The following MYH9 variants were observed in gnomAD, a reference collection of about 807,000 sequenced individuals.
MYH9 encodes myosin heavy chain 9.
MYH9 carries 29 observed loss-of-function variants against 241.9 expected under a neutral mutation model. That is an observed-to-expected ratio of 0.12 (90% CI 0.09 to 0.16). The LOEUF (loss-of-function observed/expected upper bound fraction) is 0.16. Ranked by LOEUF, MYH9 falls within the 10% of genes least tolerant of loss-of-function variation. The pLI, the probability that MYH9 is intolerant of heterozygous loss-of-function variation, is 1.00. For synonymous variants in MYH9, 1,047 were observed against 1,062.6 expected, an observed-to-expected ratio of 0.99 and a Z score of 0.29; for missense variants, 1,803 against 2,595.5, an observed-to-expected ratio of 0.69 and a Z score of 6.63.
chr22:36,282,595 G>A lies in MYH9; in HGVS notation c.*73C>T, dbSNP rs1045383138. On this transcript the variant is annotated 3_prime_UTR_variant, in exon 41 of 41. Coordinates refer to ENST00000216181, the MANE Select transcript of MYH9 (RefSeq NM_002473.6). ...CAGTCCCAAGAAGGTGGGGAGAGGC[G>A]TGCTGCGGGGTCTGGGAAGGGGAGG... 64 of 1,367,912 alleles carry A rather than the reference G, an allele frequency of 4.7e-5. No homozygotes were observed. The Middle Eastern group carries it at 5.3e-4, about 11-fold the overall frequency. 84.7% of individuals were successfully genotyped at this position (1,367,912 alleles called of 1,614,324 possible).
chr22:36,349,743 G>C (rs548844992), intron 1 of MYH9, among the ~76,000 whole-genome samples: 1 of 152,246 alleles, frequency 6.6e-6, no homozygotes, highest in Non-Finnish European at 1.5e-5. Context: ...GATTTTGTTA[G>C]CAACTAATGG....
chr22:36,311,716 G>C (rs1463897518), intron 14 of MYH9, among the ~76,000 whole-genome samples: 1 of 152,166 alleles, frequency 6.6e-6, no homozygotes, highest in Non-Finnish European at 1.5e-5. Flanking sequence ...CTTATGAGTG[G>C]CAGAGCTCTA....
intron 1 of MYH9, among the ~76,000 whole-genome samples, chr22:36,370,280 T>C (rs1213642604): frequency 2.0e-5 from 3 of 152,150 alleles, no homozygotes; most frequent in African/African-American, 7.2e-5. Context: ...CACACGCCCA[T>C]CATGCTGGTG....
Position 36,295,403 on chromosome 22 carries a change from TG to T in MYH9, c.3485+101del. On this transcript the variant is annotated intron_variant, in intron 26 of 40. Coordinates refer to ENST00000216181, the MANE Select transcript of MYH9 (RefSeq NM_002473.6). This position sits in a 1 kb window ranked among gnomAD's most constrained non-coding sequence, Gnocchi z 4.1. ...CTGCTGGTGCCTAAGAGGGCCACGG[TG>T]TGTGTGTGTGTGTGTGTGCAGAGGC... 1 of 586,432 alleles carries T rather than the reference TG, an allele frequency of 1.7e-6. No individual in the cohort carries two copies. Among genetic ancestry groups the T allele is most frequent in the Non-Finnish European group, 2.9e-6 (1 of 344,390 alleles). The allele number at this position is 586,432 out of a possible 1,614,324, so 36.3% of individuals were successfully genotyped here. A position where few individuals can be genotyped will look rare whatever the true frequency, so the allele number is the denominator to read the frequency against.
At chr22:36,283,449 A>C (rs1460569377) in intron 40 of MYH9, among the ~76,000 whole-genome samples, 1 of 151,870 alleles carries the variant, frequency 6.6e-6, no homozygotes, top group Non-Finnish European at 1.5e-5. Flanking sequence ...AGGGAGGAGA[A>C]TCGCTTGAAC....
chr22:36,374,921 C>T (rs529219166), intron 1 of MYH9, among the ~76,000 whole-genome samples: 5 of 152,310 alleles, frequency 3.3e-5, no homozygotes, highest in African/African-American at 9.6e-5. Context: ...GGACTTGCCA[C>T]ACCATGTCTC....
At chr22:36,339,028 T>G (rs1490951285) in intron 3 of MYH9, among the ~76,000 whole-genome samples, 1 of 152,100 alleles carries the variant, frequency 6.6e-6, no homozygotes, top group Admixed American at 6.5e-5. Flanking sequence ...CTTTTTTTTG[T>G]CCCCCAATTA....
At chr22:36,379,864 G>T (rs1313718803) in intron 1 of MYH9, among the ~76,000 whole-genome samples, 3 of 152,218 alleles carry the variant, frequency 2.0e-5, no homozygotes. Context: ...ACACCTGCCC[G>T]GGTGCTGAAT....
At chr22:36,290,560 G>A (rs28676509) in intron 31 of MYH9, among the ~76,000 whole-genome samples, 3 of 152,144 alleles carry the variant, frequency 2.0e-5, no homozygotes, top group South Asian at 2.1e-4. Flanking sequence ...GCCTCTTCCC[G>A]GCCGCCACCC....
At chr22:36,385,703 A>G (rs1194534265) in intron 1 of MYH9, among the ~76,000 whole-genome samples, 1 of 152,166 alleles carries the variant, frequency 6.6e-6, no homozygotes, top group East Asian at 1.9e-4. Flanking sequence ...CCGGCTCTCC[A>G]GACACCTGGC....
chr22:36,293,839 G>A lies in MYH9; in HGVS notation c.3862C>T (p.Leu1288Phe). The A allele has an allele frequency of 6.2e-7, 1 of 1,613,734 alleles. No individual in the cohort carries two copies. The highest frequency in any genetic ancestry group is 8.5e-7 in the Non-Finnish European group (1 of 1,179,956). ...LQVELDNVTG[L>F]LSQSDSKSSK... ...GACTTGCTGTCGGACTGGCTGAGAA[G>A]CCCGGTCACGTTGTCCAGCTCCACC... The change falls in exon 29 of 41, where the codon CTT becomes TTT. Residue 1288 changes from leucine to phenylalanine, a missense_variant. Coordinates refer to ENST00000216181, the MANE Select transcript of MYH9 (RefSeq NM_002473.6). This position sits in a 1 kb window ranked among gnomAD's most constrained non-coding sequence, Gnocchi z 5.1.
At chr22:36,342,734 T>A (rs374963544) in intron 2 of MYH9, among the ~76,000 whole-genome samples, 140 of 151,022 alleles carry the variant, frequency 9.3e-4, no homozygotes, top group African/African-American at 2.7e-3. Flanking sequence ...GCAACTGGAG[T>A]GACCCAAGTA....
intron 1 of MYH9, among the ~76,000 whole-genome samples, chr22:36,357,448 TG>T (rs1286884816): frequency 6.6e-6 from 1 of 152,116 alleles, no homozygotes; most frequent in African/African-American, 2.4e-5. Flanking sequence ...CTGTGCCACG[TG>T]GGGTATTTAG....
chr22:36,281,936 G>T lies in MYH9; in HGVS notation c.*732C>A, dbSNP rs12107. Reference sequence around the variant, plus strand: ...CTGCTGGCCTTTCCAGCTTGACCCCGACAGCCTTGCTGTGGCAGAGGCAGG... The same window carrying T: ...CTGCTGGCCTTTCCAGCTTGACCCCTACAGCCTTGCTGTGGCAGAGGCAGG... On this transcript the variant is annotated 3_prime_UTR_variant, in exon 41 of 41. Transcript: ENST00000216181. The T allele has an allele frequency of 4.3e-6, 1 of 231,852 alleles. No individual in the cohort carries two copies. Among genetic ancestry groups the T allele is most frequent in the Non-Finnish European group, 8.5e-6 (1 of 117,064 alleles). The allele number at this position is 231,852 out of a possible 1,614,324, so 14.4% of individuals were successfully genotyped here.
chr22:36,371,184 T>G (rs752039837), intron 1 of MYH9, among the ~76,000 whole-genome samples: 2 of 152,212 alleles, frequency 1.3e-5, no homozygotes, highest in Non-Finnish European at 2.9e-5. Context: ...ATATCCATTA[T>G]GTTGGAGCCC....
intron 1 of MYH9, among the ~76,000 whole-genome samples, chr22:36,386,679 C>G (rs945538801): frequency 1.3e-5 from 2 of 152,166 alleles, no homozygotes; most frequent in African/African-American, 2.4e-5. Flanking sequence ...TCTCTCCACA[C>G]CGGCTGGGTG....
intron 15 of MYH9, among the ~76,000 whole-genome samples, chr22:36,307,664 G>A (rs1242358357): frequency 6.6e-6 from 1 of 152,140 alleles, no homozygotes; most frequent in Admixed American, 6.5e-5. Context: ...GAGGCGGGTG[G>A]ATCACCTGAA....
At chr22:36,294,347 G>A (rs757157970) in intron 27 of MYH9, 49 bp from the exon 28 acceptor site, 18 of 1,590,666 alleles carry the variant, frequency 1.1e-5, no homozygotes, top group Non-Finnish European at 1.5e-5. Flanking sequence ...CTGACACAAG[G>A]CTGGCTGGTC....
chr22:36,338,543 G>A (rs909082322), intron 3 of MYH9, among the ~76,000 whole-genome samples: 2 of 151,070 alleles, frequency 1.3e-5, no homozygotes, highest in Non-Finnish European at 3.0e-5. Flanking sequence ...CACCTGGCTG[G>A]GTGCGGTGGC....
Sources: allele counts gnomAD v4.1 joint callset (sites outside exome capture counted in the v4.1 genomes callset), GRCh38; gene constraint gnomAD v4.1.1; non-coding constraint Gnocchi (gnomAD v3.1); transcripts MANE v1.5; gene names NCBI Gene and HGNC (gene_info 2026-07-23, HGNC 2026-07-21).